Variants in COMMD1 observed in about 807,000 individuals in gnomAD.
The protein encoded by COMMD1 is copper metabolism domain containing 1, also known as COMM domain-containing protein 1.
COMMD1 carries 10 observed loss-of-function variants against 17.2 expected under a neutral mutation model. The observed-to-expected ratio is 0.58, with a 90% CI of 0.36 to 0.99. The LOEUF (loss-of-function observed/expected upper bound fraction) is 0.99, where lower values mean the gene tolerates loss of function less well. Ranked by LOEUF, COMMD1 falls within the 50% of genes least tolerant of loss-of-function variation. The pLI is 0.01. For missense variants in COMMD1, 270 were observed against 231.8 expected, an observed-to-expected ratio of 1.17 and a Z score of -1.07; for synonymous variants, 97 against 91.6, an observed-to-expected ratio of 1.06 and a Z score of -0.34.
At chr2:61,996,343 T>A (rs1445568142) in intron 1 of COMMD1, among the ~76,000 whole-genome samples, 1 of 151,702 alleles carries the variant, frequency 6.6e-6, no homozygotes, top group Middle Eastern at 3.2e-3. Context: ...TGTGTGTGTG[T>A]GTGTGTGTGT....
intron 1 of COMMD1, among the ~76,000 whole-genome samples, chr2:61,959,426 G>A (rs1671282457): frequency 6.6e-6 from 1 of 152,098 alleles, no homozygotes; most frequent in Non-Finnish European, 1.5e-5. Context: ...AGGAATAAAA[G>A]GGGAGGCACT....
chr2:62,084,996 A>G (rs2103986239), intron 2 of COMMD1: 1 of 152,346 alleles, frequency 6.6e-6, no homozygotes, highest in East Asian at 1.9e-4. Context: ...AAAGAGCTAT[A>G]AAAACATTAT....
At chr2:62,086,232 G>A (rs1387295120) in intron 2 of COMMD1, among the ~76,000 whole-genome samples, 1 of 151,920 alleles carries the variant, frequency 6.6e-6, no homozygotes, top group South Asian at 2.1e-4. Flanking sequence ...TTCTGTGGCC[G>A]GGCGCGGTGG....
At chr2:62,054,341 T>G (rs1246505096) in intron 2 of COMMD1, among the ~76,000 whole-genome samples, 2 of 152,190 alleles carry the variant, frequency 1.3e-5, no homozygotes, top group East Asian at 3.8e-4. Flanking sequence ...GTGCCACTAC[T>G]GGGTATCTAA....
chr2:62,096,592 A>C (rs768897460), intron 2 of COMMD1, among the ~76,000 whole-genome samples: 2 of 152,172 alleles, frequency 1.3e-5, no homozygotes, highest in African/African-American at 4.8e-5. Context: ...GGGGTTGGGC[A>C]TTAAGGAGTA....
intron 1 of COMMD1, among the ~76,000 whole-genome samples, chr2:61,952,809 T>A (rs921955247): frequency 6.6e-6 from 1 of 152,224 alleles, no homozygotes; most frequent in Non-Finnish European, 1.5e-5. Context: ...ATTATGTTTC[T>A]ATGGATGTAT....
intron 2 of COMMD1, among the ~76,000 whole-genome samples, chr2:62,045,143 G>T (rs1670343979): frequency 1.3e-5 from 2 of 152,150 alleles, no homozygotes; most frequent in South Asian, 4.1e-4. Context: ...GTGGATGGGG[G>T]CTAGGGAATG....
At chr2:61,969,874 C>T (rs753650034) in intron 1 of COMMD1, among the ~76,000 whole-genome samples, 9 of 152,140 alleles carry the variant, frequency 5.9e-5, no homozygotes, top group East Asian at 3.9e-4. Context: ...AAACAACTTC[C>T]TTGGTACAAT....
At chr2:61,990,019 A>G (rs1672205136) in intron 1 of COMMD1, among the ~76,000 whole-genome samples, 1 of 152,234 alleles carries the variant, frequency 6.6e-6, no homozygotes, top group African/African-American at 2.4e-5. Flanking sequence ...AGTTAGATCT[A>G]CATCGAAGCC....
chr2:61,985,272 G>C (rs1184890866), intron 1 of COMMD1, among the ~76,000 whole-genome samples: 2 of 152,012 alleles, frequency 1.3e-5, no homozygotes, highest in African/African-American at 2.4e-5. Context: ...GGATGGTCTC[G>C]ATCTCCTGAC....
intron 1 of COMMD1, among the ~76,000 whole-genome samples, chr2:61,894,098 CTTTA>C (rs1295961051): frequency 6.6e-6 from 1 of 152,084 alleles, no homozygotes; most frequent in East Asian, 1.9e-4. Flanking sequence ...GACAAGCTGA[CTTTA>C]TTTATTTATT....
chr2:61,974,241 C>T (rs530208918), intron 1 of COMMD1, among the ~76,000 whole-genome samples: 2 of 152,252 alleles, frequency 1.3e-5, no homozygotes. Context: ...TTGCACTGAG[C>T]TGCTGCACTC....
At chr2:62,127,817 A>G (rs1002528814) in intron 2 of COMMD1, among the ~76,000 whole-genome samples, 7 of 152,064 alleles carry the variant, frequency 4.6e-5, no homozygotes, top group African/African-American at 1.7e-4. Context: ...TGAGGTCAAG[A>G]GTTTGAGACC....
In COMMD1 at chr2:62,099,998, C is replaced by T. The variant is rs545536523; in HGVS notation, c.463-35833C>T. On this transcript the variant is annotated intron_variant, in intron 2 of 2. Coordinates refer to ENST00000311832, the MANE Select transcript of COMMD1 (RefSeq NM_152516.4). ...GTTCCTCACGCAAAGTGCACACAGA[C>T]AAGCCAATTGAGATTAATTTTGAGA... 2.0e-5 allele frequency among the ~76,000 whole-genome samples: 3 copies of T among 151,892 alleles called. No homozygotes were observed. In the East Asian group the frequency reaches 5.8e-4, roughly 29 times the overall value.
chr2:61,941,082 C>T (rs1434729274), intron 1 of COMMD1, among the ~76,000 whole-genome samples: 4 of 150,800 alleles, frequency 2.7e-5, no homozygotes, highest in African/African-American at 9.8e-5. Context: ...GGCTGGAGTG[C>T]GGTGGCGCGA....
intron 1 of COMMD1, among the ~76,000 whole-genome samples, chr2:61,919,955 T>A (rs1437896961): frequency 1.3e-5 from 2 of 151,914 alleles, no homozygotes; most frequent in South Asian, 4.2e-4. Context: ...AGGGAGCCCC[T>A]GTCTCTACAA....
intron 2 of COMMD1, among the ~76,000 whole-genome samples, chr2:62,041,509 A>C (rs1253793167): frequency 6.6e-6 from 1 of 152,132 alleles, no homozygotes; most frequent in Non-Finnish European, 1.5e-5. Context: ...AGGCCCAAGC[A>C]ATCCTCCTAC....
chr2:61,964,312 T>A (rs1671449081), intron 1 of COMMD1, among the ~76,000 whole-genome samples: 1 of 152,078 alleles, frequency 6.6e-6, no homozygotes, highest in Admixed American at 6.5e-5. Flanking sequence ...TCTTGATCTC[T>A]TGGGCTCTAG....
At chr2:61,952,653 A>C (rs1671088325) in intron 1 of COMMD1, among the ~76,000 whole-genome samples, 1 of 152,180 alleles carries the variant, frequency 6.6e-6, no homozygotes, top group African/African-American at 2.4e-5. Context: ...CTAGCTTCTG[A>C]GTTCTTGGAG....
Sources: allele counts gnomAD v4.1 joint callset (sites outside exome capture counted in the v4.1 genomes callset), GRCh38; gene constraint gnomAD v4.1.1; transcripts MANE v1.5; gene names NCBI Gene and HGNC (gene_info 2026-07-23, HGNC 2026-07-21).